EVPL: variants seen among roughly 807,000 people sequenced by gnomAD.
EVPL encodes the protein envoplakin.
Under a neutral mutation model 129.7 loss-of-function variants are expected in EVPL, and 94 were observed. That is an observed-to-expected ratio of 0.72 (90% CI 0.61 to 0.86). The LOEUF (loss-of-function observed/expected upper bound fraction) is 0.86. Ranked by LOEUF, EVPL falls within the 40% of genes least tolerant of loss-of-function variation. EVPL has a pLI of 0.00. For missense variants in EVPL, 2,625 were observed against 2,721.1 expected (o/e 0.96, Z 0.79); for synonymous variants, 1,172 against 1,191.1 (o/e 0.98, Z 0.33).
chr17:76,016,853 CTGAGA>C, intron 14 of EVPL, among the ~76,000 whole-genome samples: 1 of 152,000 alleles, frequency 6.6e-6, no homozygotes, highest in East Asian at 1.9e-4. Context: ...TTGCAGTGAG[CTGAGA>C]TTATACCATT....
intron 19 of EVPL, 22 bp from the exon 20 acceptor site, chr17:76,011,904 G>A (rs756541037): frequency 2.5e-6 from 4 of 1,610,562 alleles, no homozygotes; most frequent in Non-Finnish European, 3.4e-6. Flanking sequence ...GGAAAGGACA[G>A]CAGGCTGGCA....
In EVPL at chr17:76,008,313, G is replaced by A. The variant is rs1395629047; in HGVS notation, c.4892C>T (p.Ala1631Val). The A allele has an allele frequency of 1.2e-6, 2 of 1,608,068 alleles. No homozygotes were observed. The highest frequency in any genetic ancestry group is 2.2e-5 in the East Asian group (1 of 44,850). ...CGAGAGCTCCTGGCCCCGCTGGGCC[G>A]CCTTCTGTCGCTCGCTCTCCGTCTT... is the stretch of plus-strand genomic sequence containing the variant. ...SQKTESERQK[A>V]AQRGQELSRL... Residue 1631 changes from alanine (A) to valine (V), a missense_variant, in exon 22 of 22, where the codon GCG becomes GTG. By Grantham distance (64) the Ala-to-Val change is moderately conservative (BLOSUM62 0). Around this residue, in one of 4 missense-constraint regions of EVPL, gnomAD observed 1,453 missense variants for 1,511.8 expected, o/e 0.96. Transcript: ENST00000301607. This position sits in a 1 kb window ranked among gnomAD's most constrained non-coding sequence, Gnocchi z 7.4.
At chr17:76,021,082 GTCTC>G (rs764509397) in intron 9 of EVPL, among the ~76,000 whole-genome samples, 13 of 152,122 alleles carry the variant, frequency 8.5e-5, no homozygotes, top group South Asian at 4.1e-4. Context: ...TTGAGGTGGA[GTCTC>G]TCTCTGTCAC....
In EVPL at chr17:76,008,508, C is replaced by T. The variant is rs200253222; in HGVS notation, c.4697G>A (p.Arg1566Gln). The T allele has an allele frequency of 2.5e-4, 408 of 1,604,402 alleles. 5 individuals are homozygous for T. In the East Asian group the frequency reaches 9.0e-3, roughly 35 times the overall value. ...CCAGGTTCTCCCCAGCGTCTCGGCC[C>T]GGTCAATGCGCTCCCGCAGGCGCCG... ...EARRLRERID[R>Q]AETLGRTWSR... The change falls in exon 22 of 22, where the codon CGG (arginine) becomes CAG (glutamine). Residue 1566 changes from arginine to glutamine, a missense_variant. Coordinates refer to ENST00000301607, the MANE Select transcript of EVPL (RefSeq NM_001988.4). This position sits in a 1 kb window ranked among gnomAD's most constrained non-coding sequence, Gnocchi z 7.4.
Position 76,009,290 on chromosome 17 carries a change from C to G in EVPL, c.3915G>C (p.Arg1305=). The change falls in exon 22 of 22, where the codon CGG becomes CGC. Residue 1305 remains arginine (R), a synonymous_variant. Transcript: ENST00000301607. This position sits in a 1 kb window ranked among gnomAD's most constrained non-coding sequence, Gnocchi z 5.9. ...TCACCGTCTTGGTCTCCACCTTGGC[C>G]CGCTCGCGCCTCCACTCGTCGCGCT... ...QGERDEWRRE[R]AKVETKTVSK... is the part of the protein sequence containing the mutation. 1 of 1,608,290 alleles carries G rather than the reference C, an allele frequency of 6.2e-7. No individual in the cohort carries two copies. Among genetic ancestry groups the G allele is most frequent in the Non-Finnish European group, 8.5e-7 (1 of 1,179,848 alleles).
chr17:76,015,859 A>C (rs573100909), intron 14 of EVPL, among the ~76,000 whole-genome samples: 8 of 152,208 alleles, frequency 5.3e-5, no homozygotes, highest in African/African-American at 1.4e-4. Flanking sequence ...GACTGATAGG[A>C]GGGGCCGGGC....
chr17:76,007,181 C>T lies in EVPL; in HGVS notation c.6024G>A (p.Leu2008=), dbSNP rs1421311444. The stretch of plus-strand genomic sequence containing the variant: ...CCTCCAGTGCCGCTGGCAGGAGCAG[C>T]AGGCCGCTCAGGGGGTCTTTGCGGC... ...GRCRKDPLSG[L]LLLPAALEGY... is the part of the protein sequence containing the mutation. The change falls in exon 22 of 22, where the codon CTG becomes CTA. Residue 2008 remains leucine, a synonymous_variant. Transcript: ENST00000301607. The surrounding 1 kb of genome is among the most constrained non-coding windows in gnomAD (Gnocchi z 8.8). 1 of 1,519,214 alleles carries T rather than the reference C, an allele frequency of 6.6e-7. No homozygotes were observed. Among genetic ancestry groups the T allele is most frequent in the Non-Finnish European group, 8.8e-7 (1 of 1,131,976 alleles). 94.1% of individuals were successfully genotyped at this position (1,519,214 alleles called of 1,614,324 possible).
In EVPL at chr17:76,019,577, G is replaced by T; in HGVS notation, c.1088C>A (p.Ala363Glu). Residue 363 changes from alanine (A) to glutamate (E), a missense_variant, in exon 10 of 22, where the codon GCA (alanine) becomes GAA (glutamate). Physicochemically the swap from Ala to Glu is moderately radical, Grantham distance 107 (BLOSUM62 -1). Around this residue, in one of 4 missense-constraint regions of EVPL, gnomAD observed 1,024 missense variants for 997.5 expected, o/e 1.03. Transcript: ENST00000301607. The stretch of plus-strand genomic sequence containing the variant: ...GGGGGCGCCAGGGGGGCCCCCAGGT[G>T]CAGGGCTGTACTTGGCATCCAAGTT... ...NSNLDAKYSP[A>E]PGGPPGAPTE... 6.3e-7 allele frequency: 1 copy of T among 1,595,102 alleles called. No homozygotes were observed. Among genetic ancestry groups the T allele is most frequent in the Non-Finnish European group, 8.5e-7 (1 of 1,172,962 alleles).
In EVPL at chr17:76,018,898, G is replaced by A. The variant is rs1342721459; in HGVS notation, c.1284+16C>T. On this transcript the variant is annotated intron_variant, in intron 11 of 21. Coordinates refer to ENST00000301607, the MANE Select transcript of EVPL (RefSeq NM_001988.4). ...GGGGCTGGATGGTGGCAGGGGTGAGGTGGGGGAGTTCGCACTTCTCCTGAG... is the reference window on the plus strand; with the variant it reads ...GGGGCTGGATGGTGGCAGGGGTGAGATGGGGGAGTTCGCACTTCTCCTGAG... 1 of 1,515,594 alleles carries A rather than the reference G, an allele frequency of 6.6e-7. No individual in the cohort carries two copies. Among genetic ancestry groups the A allele is most frequent in the Non-Finnish European group, 8.8e-7 (1 of 1,133,092 alleles). The allele number at this position is 1,515,594 out of a possible 1,614,324, so 93.9% of individuals were successfully genotyped here. A position where few individuals can be genotyped will look rare whatever the true frequency, so the allele number is the denominator to read the frequency against.
In EVPL at chr17:76,010,483, CAGGGCTCTCGGAGCCCTGCT is replaced by C; in HGVS notation, c.2702_2721del (p.Lys901SerfsTer27). 1 of 1,613,972 alleles carries C rather than the reference CAGGGCTCTCGGAGCCCTGCT, an allele frequency of 6.2e-7. No individual in the cohort carries two copies. Among genetic ancestry groups the C allele is most frequent in the Non-Finnish European group, 8.5e-7 (1 of 1,179,926 alleles). On this transcript the variant is annotated frameshift_variant, in exon 22 of 22. Transcript: ENST00000301607. LOFTEE classifies it low-confidence loss of function (END_TRUNC). ...GCCTCTGACTCTCTCCCTGCTTGGG[CAGGGCTCTCGGAGCCCTGCT>C]TTGCATCATGGGTCCTTCGGATGTC...
Position 76,008,898 on chromosome 17 carries a change from T to C in EVPL, c.4307A>G (p.Glu1436Gly). The C allele has an allele frequency of 6.2e-7, 1 of 1,613,670 alleles. No homozygotes were observed. The highest frequency in any genetic ancestry group is 1.3e-5 in the African/African-American group (1 of 74,990). The change falls in exon 22 of 22, where the codon GAG (glutamate) becomes GGG (glycine). Residue 1436 changes from glutamate (E) to glycine (G), a missense_variant. Transcript: ENST00000301607. This position sits in a 1 kb window ranked among gnomAD's most constrained non-coding sequence, Gnocchi z 7.4. ...CAAGGTCAGCTGCCGCAGCTCCCTC[T>C]CCACGGCCAGCTTCTTGCTGCGGTC... is the stretch of plus-strand genomic sequence containing the variant. ...QEDRSKKLAV[E>G]RELRQLTLRI...
chr17:76,009,177 T>C lies in EVPL; in HGVS notation c.4028A>G (p.Lys1343Arg). 1 of 1,611,332 alleles carries C rather than the reference T, an allele frequency of 6.2e-7. No individual in the cohort carries two copies. Among genetic ancestry groups the C allele is most frequent in the Non-Finnish European group, 8.5e-7 (1 of 1,179,874 alleles). Residue 1343 changes from lysine (K) to arginine (R), a missense_variant, in exon 22 of 22, where the codon AAG becomes AGG. By Grantham distance (26) the Lys-to-Arg change is conservative. This residue lies in a region of EVPL where 1,453 missense variants were observed against 1,511.8 expected (regional missense o/e 0.96). Transcript: ENST00000301607. The surrounding 1 kb of genome is among the most constrained non-coding windows in gnomAD (Gnocchi z 5.9). ...CACCGCGTCCTCCGCGGCCCGCCTC[T>C]TCTGGGCCGCCTCCCGCACCTCCTG... ...LRQEVREAAQ[K>R]RRAAEDAVYE...
At chr17:76,011,403 G>C in intron 21 of EVPL, 173 bp downstream of exon 21, 1 of 637,698 alleles carries the variant, frequency 1.6e-6, no homozygotes, top group African/African-American at 1.8e-5. Context: ...GAGAAAACTG[G>C]GTGGCTGGAA....
intron 15 of EVPL, 35 bp downstream of exon 15, chr17:76,015,415 G>T: frequency 6.2e-7 from 1 of 1,605,442 alleles, no homozygotes; most frequent in Non-Finnish European, 8.5e-7. Flanking sequence ...ACACGCTGCT[G>T]CCCTGCGTGG....
chr17:76,009,487 C>T lies in EVPL; in HGVS notation c.3718G>A (p.Val1240Ile). 6.2e-7 allele frequency: 1 copy of T among 1,614,150 alleles called. No individual in the cohort carries two copies. Among genetic ancestry groups the T allele is most frequent in the Non-Finnish European group, 8.5e-7 (1 of 1,180,044 alleles). ...EVEKLLPDLE[V>I]LRAQKPTVEY... ...ACCGTGGGCTTCTGGGCCCGCAGGACCTCCAGGTCGGGCAGCAGCTTCTCC... is the reference window on the plus strand; with the variant it reads ...ACCGTGGGCTTCTGGGCCCGCAGGATCTCCAGGTCGGGCAGCAGCTTCTCC... The change falls in exon 22 of 22, where the codon GTC (valine) becomes ATC (isoleucine). Residue 1240 changes from valine to isoleucine, a missense_variant. Val to Ile is a conservative substitution (Grantham distance 29). Coordinates refer to ENST00000301607, the MANE Select transcript of EVPL (RefSeq NM_001988.4). The surrounding 1 kb of genome is among the most constrained non-coding windows in gnomAD (Gnocchi z 5.9).
chr17:76,020,657 A>T (rs2066451308), intron 9 of EVPL, among the ~76,000 whole-genome samples: 2 of 151,976 alleles, frequency 1.3e-5, no homozygotes, highest in Non-Finnish European at 2.9e-5. Context: ...CTTTTAAGAA[A>T]TATTTTATTT....
rs765836896 is a variant in EVPL, at chr17:76,022,449, G to A, written c.570C>T (p.Asp190=). ...AEHNILQKEI[D]AYGQQLRSLV... is the part of the protein sequence containing the mutation. ...GGCTCCGCAGCTGCTGCCCATAGGC[G>A]TCGATCTCCTTCTGCAGGATGTTGT... is the stretch of plus-strand genomic sequence containing the variant. The change falls in exon 5 of 22, where the codon GAC becomes GAT. Residue 190 remains aspartate, a synonymous_variant. Transcript: ENST00000301607. This position sits in a 1 kb window ranked among gnomAD's most constrained non-coding sequence, Gnocchi z 5.6. The A allele has an allele frequency of 6.8e-6, 11 of 1,613,830 alleles. 1 individual carries two copies. Among genetic ancestry groups the A allele is most frequent in the Middle Eastern group, 1.6e-4 (1 of 6,062 alleles).
intron 12 of EVPL, 43 bp from the exon 13 acceptor site, chr17:76,018,301 C>T (rs1343509164): frequency 6.6e-7 from 1 of 1,521,488 alleles, no homozygotes; most frequent in African/African-American, 1.4e-5. Flanking sequence ...CCCACTCTGC[C>T]TCTCTCCCTC....
rs2066465875 is a variant in EVPL, at chr17:76,022,172, C to G, written c.645+17G>C. 1 of 1,612,130 alleles carries G rather than the reference C, an allele frequency of 6.2e-7. No homozygotes were observed. The highest frequency in any genetic ancestry group is 8.5e-7 in the Non-Finnish European group (1 of 1,179,600). On this transcript the variant is annotated intron_variant, in intron 6 of 21. Transcript: ENST00000301607. The surrounding 1 kb of genome is among the most constrained non-coding windows in gnomAD (Gnocchi z 5.6). ...GCCCACCCGCAGCCTCCCTGCCCGA[C>G]CCTCCCTCCTGCTCACCAGTAGGTC...
Sources: allele counts gnomAD v4.1 joint callset (sites outside exome capture counted in the v4.1 genomes callset), GRCh38; gene constraint gnomAD v4.1.1; regional missense constraint gnomAD v4.1.1; non-coding constraint Gnocchi (gnomAD v3.1); transcripts MANE v1.5; gene names NCBI Gene and HGNC (gene_info 2026-07-23, HGNC 2026-07-21).